Variants in FHIT observed in about 807,000 individuals in gnomAD.
FHIT encodes fragile histidine triad diadenosine triphosphatase.
In FHIT, 19 loss-of-function variants were observed where a neutral mutation model predicts 17.9. The ratio of observed to expected loss-of-function variants is 1.06; its 90% confidence interval spans 0.74 to 1.56. FHIT has a LOEUF of 1.56. Ranked by LOEUF, FHIT falls within the 40% of genes most tolerant of loss-of-function variation. FHIT has a pLI of 0.00. For synonymous variants in FHIT, 81 were observed against 69.7 expected (o/e 1.16, Z -0.81); for missense variants, 248 against 189.2 (o/e 1.31, Z -1.82).
intron 5 of FHIT, among the ~76,000 whole-genome samples, chr3:60,098,040 T>C (rs557815987): frequency 9.2e-5 from 14 of 152,054 alleles, no homozygotes; most frequent in African/African-American, 2.9e-4. Context: ...GCAAAGGACA[T>C]GAACTGATTA....
chr3:60,130,994 CATATATACATATGTGTAT>C (rs1376873276), intron 5 of FHIT, among the ~76,000 whole-genome samples: 2 of 106,610 alleles, frequency 1.9e-5, no homozygotes, highest in Non-Finnish European at 3.6e-5. Flanking sequence ...CATATATACA[CATATATACATATGTGTAT>C]ATATACACAT....
chr3:60,603,047 C>G lies in FHIT; in HGVS notation c.-17-66068G>C, dbSNP rs556784197. On this transcript the variant is annotated intron_variant, in intron 4 of 9. Coordinates refer to ENST00000492590, the MANE Select transcript of FHIT (RefSeq NM_002012.4). ...CAGCAGCCCAAACAGACTAGGACAG[C>G]CTGTCAGGGTAAAAATAATATGAGC... Among the ~76,000 whole-genome samples the G allele has an allele frequency of 5.9e-5, 9 of 152,180 alleles. No homozygotes were observed. In the East Asian group the frequency reaches 7.7e-4, roughly 13 times the overall value.
At chr3:61,021,205 C>A (rs1394036599) in intron 3 of FHIT, among the ~76,000 whole-genome samples, 1 of 152,180 alleles carries the variant, frequency 6.6e-6, no homozygotes, top group Non-Finnish European at 1.5e-5. Context: ...GAACTCTCCA[C>A]CCCAAATCAA....
chr3:60,345,854 T>A (rs1710748945), intron 5 of FHIT, among the ~76,000 whole-genome samples: 1 of 146,244 alleles, frequency 6.8e-6, no homozygotes, highest in South Asian at 2.2e-4. Context: ...TCACAGTTAC[T>A]AACATATTTG....
chr3:60,958,568 C>T (rs1553779623), intron 3 of FHIT, among the ~76,000 whole-genome samples: 1 of 152,122 alleles, frequency 6.6e-6, no homozygotes, highest in African/African-American at 2.4e-5. Flanking sequence ...TTTCTCTTTA[C>T]CCATGAAAAA....
intron 5 of FHIT, among the ~76,000 whole-genome samples, chr3:60,201,521 T>C (rs969044851): frequency 2.0e-5 from 3 of 151,988 alleles, no homozygotes; most frequent in East Asian, 1.9e-4. Context: ...AAAAGAATCA[T>C]TTAACAACCA....
intron 5 of FHIT, among the ~76,000 whole-genome samples, chr3:60,132,230 A>T (rs557886587): frequency 6.6e-6 from 1 of 152,182 alleles, no homozygotes; most frequent in East Asian, 1.9e-4. Flanking sequence ...TGTGTTATCC[A>T]TCTCCACGTG....
chr3:59,950,747 C>A (rs1165980989), intron 7 of FHIT, among the ~76,000 whole-genome samples: 1 of 152,140 alleles, frequency 6.6e-6, no homozygotes, highest in Admixed American at 6.5e-5. Context: ...AGCTCCCAGG[C>A]AACAGGCAAA....
chr3:61,002,500 G>C (rs529216191), intron 3 of FHIT, among the ~76,000 whole-genome samples: 5 of 152,130 alleles, frequency 3.3e-5, no homozygotes, highest in Admixed American at 3.3e-4. Context: ...GGGCTCAAGT[G>C]ATCCTCCCAC....
In FHIT at chr3:60,016,814, G is replaced by C. The variant is rs929616426; in HGVS notation, c.104-2662C>G. ...CCTTAAAAATGGTCCAGAAACTTAA[G>C]GTTAGCTTCAAAGAAAGTTGTTAAG... On this transcript the variant is annotated intron_variant, in intron 5 of 9. Transcript: ENST00000492590. Among the ~76,000 whole-genome samples the C allele has an allele frequency of 2.7e-4, 41 of 152,106 alleles. 1 individual carries two copies. Among genetic ancestry groups the C allele is most frequent in the Admixed American group, 3.3e-4 (5 of 15,270 alleles).
intron 2 of FHIT, among the ~76,000 whole-genome samples, chr3:61,153,142 C>CAA (rs372065718): frequency 8.0e-4 from 63 of 78,338 alleles, no homozygotes; most frequent in East Asian, 2.7e-3. Flanking sequence ...GACTCCATCT[C>CAA]AAAAAAAAAA....
chr3:59,827,848 T>C (rs1446551759), intron 8 of FHIT, among the ~76,000 whole-genome samples: 3 of 152,264 alleles, frequency 2.0e-5, no homozygotes, highest in African/African-American at 7.2e-5. Flanking sequence ...TTTAAATTAA[T>C]GCATGTTGGA....
chr3:59,967,575 T>C (rs955446504), intron 7 of FHIT, among the ~76,000 whole-genome samples: 16 of 152,280 alleles, frequency 1.1e-4, no homozygotes, highest in African/African-American at 3.6e-4. Context: ...ATGACTACTA[T>C]AACCTTACAA....
chr3:60,640,213 C>T (rs184392617), intron 4 of FHIT, among the ~76,000 whole-genome samples: 2 of 152,270 alleles, frequency 1.3e-5, no homozygotes, highest in South Asian at 2.1e-4. Context: ...TTGGTGGACT[C>T]ATGGGTGTAT....
rs993223089 is a variant in FHIT, at chr3:59,747,567, A to G, written c.*2018T>C. Among the ~76,000 whole-genome samples the G allele has an allele frequency of 4.6e-5, 7 of 152,150 alleles. No homozygotes were observed. Among genetic ancestry groups the G allele is most frequent in the African/African-American group, 1.7e-4 (7 of 41,444 alleles). On this transcript the variant is annotated 3_prime_UTR_variant, in exon 10 of 10. Transcript: ENST00000492590. ...CGTATAACTAGGTATGTCCACCCCAAACATTAAGTCAAGAACATCTTTTTG... is the reference window on the plus strand; with the variant it reads ...CGTATAACTAGGTATGTCCACCCCAGACATTAAGTCAAGAACATCTTTTTG...
At chr3:60,733,856 T>C (rs921923966) in intron 4 of FHIT, among the ~76,000 whole-genome samples, 1 of 152,164 alleles carries the variant, frequency 6.6e-6, no homozygotes, top group South Asian at 2.1e-4. Context: ...TGAGTAAATA[T>C]TTTGTATTCC....
intron 8 of FHIT, among the ~76,000 whole-genome samples, chr3:59,852,938 C>T (rs566829460): frequency 1.3e-5 from 2 of 152,136 alleles, no homozygotes; most frequent in Non-Finnish European, 2.9e-5. Context: ...TGAAGAATTT[C>T]TTGGTGGCTT....
At chr3:60,159,523 G>A (rs1700848412) in intron 5 of FHIT, among the ~76,000 whole-genome samples, 1 of 152,150 alleles carries the variant, frequency 6.6e-6, no homozygotes, top group South Asian at 2.1e-4. Flanking sequence ...GGGGTAGAAA[G>A]GAAGTTGAAG....
At chr3:59,767,881 A>G (rs928801137) in intron 8 of FHIT, among the ~76,000 whole-genome samples, 1 of 152,210 alleles carries the variant, frequency 6.6e-6, no homozygotes, top group Admixed American at 6.5e-5. Flanking sequence ...ATAACAATAC[A>G]TAGCATTTGC....
Sources: allele counts gnomAD v4.1 joint callset (sites outside exome capture counted in the v4.1 genomes callset), GRCh38; gene constraint gnomAD v4.1.1; transcripts MANE v1.5; gene names NCBI Gene and HGNC (gene_info 2026-07-23, HGNC 2026-07-21).